STARD13: variants seen among roughly 807,000 people sequenced by gnomAD.
STARD13 encodes stAR-related lipid transfer protein 13.
A neutral mutation model predicts 106.4 loss-of-function variants in STARD13; 62 were observed. The ratio of observed to expected loss-of-function variants is 0.58; its 90% CI spans 0.48 to 0.72. STARD13 has a LOEUF of 0.72. Ranked by LOEUF, STARD13 falls within the 30% of genes least tolerant of loss-of-function variation. The probability of loss-of-function intolerance (pLI) is 0.00; values close to 1 mark genes in which losing one functional copy is unlikely to be tolerated. For missense variants in STARD13, 1,387 were observed against 1,424.0 expected (o/e 0.97, Z 0.42); for synonymous variants, 565 against 553.0 (o/e 1.02, Z -0.31).
intron 1 of STARD13, among the ~76,000 whole-genome samples, chr13:33,302,473 T>G (rs948425188): frequency 6.6e-6 from 1 of 152,186 alleles, no homozygotes; most frequent in African/African-American, 2.4e-5. Context: ...TGGAGTGCAG[T>G]GGCGTGATCA....
chr13:33,124,956 T>A (rs994836033), intron 7 of STARD13, among the ~76,000 whole-genome samples: 1 of 152,148 alleles, frequency 6.6e-6, no homozygotes, highest in Non-Finnish European at 1.5e-5. Flanking sequence ...CATACAAATA[T>A]GGAAAAATGT....
In STARD13 at chr13:33,117,911, G is replaced by C. The variant is rs1875626761; in HGVS notation, c.2281+154C>G. The stretch of plus-strand genomic sequence containing the variant: ...CTTGTGGATTTCCATATCAAACTTT[G>C]AGCAAAAGTTACTTCCGTAGAGGAG... On this transcript the variant is annotated intron_variant, in intron 8 of 13. Coordinates refer to ENST00000336934, the MANE Select transcript of STARD13 (RefSeq NM_178006.4). 5.0e-6 allele frequency: 7 copies of C among 1,399,810 alleles called. No individual in the cohort carries two copies. The East Asian group carries it at 1.8e-4, about 36-fold the overall frequency. 86.7% of individuals were successfully genotyped at this position (1,399,810 alleles called of 1,614,324 possible). A position where few individuals can be genotyped will look rare whatever the true frequency, so the allele number is the denominator to read the frequency against.
the STARD13 span, among the ~76,000 whole-genome samples, chr13:33,376,322 T>C: frequency 6.6e-6 from 1 of 152,126 alleles, no homozygotes; most frequent in Admixed American, 6.6e-5. Flanking sequence ...TAAATAAAAA[T>C]GACAACAACA....
the STARD13 span, among the ~76,000 whole-genome samples, chr13:33,407,455 T>C: frequency 1.3e-5 from 2 of 152,242 alleles, no homozygotes; most frequent in Non-Finnish European, 2.9e-5. Context: ...CTCCTGCTTT[T>C]TGCATTTTGG....
the STARD13 span, among the ~76,000 whole-genome samples, chr13:33,371,037 T>C: frequency 1.3e-5 from 2 of 152,214 alleles, no homozygotes; most frequent in Non-Finnish European, 2.9e-5. Flanking sequence ...TAAACAGGCA[T>C]GAATTATGCT....
chr13:33,609,803 C>T, the STARD13 span, among the ~76,000 whole-genome samples: 1 of 152,040 alleles, frequency 6.6e-6, no homozygotes, highest in Non-Finnish European at 1.5e-5. Context: ...CTCCTGACCT[C>T]GTGATCTGCC....
intron 7 of STARD13, among the ~76,000 whole-genome samples, chr13:33,122,407 A>G (rs1279576801): frequency 6.6e-6 from 1 of 152,154 alleles, no homozygotes; most frequent in African/African-American, 2.4e-5. Flanking sequence ...TCACCCATGG[A>G]CGGGCAGCCT....
intron 1 of STARD13, among the ~76,000 whole-genome samples, chr13:33,284,392 A>G (rs1226509912): frequency 1.3e-5 from 2 of 152,248 alleles, no homozygotes; most frequent in Non-Finnish European, 2.9e-5. Flanking sequence ...AATATTCAAT[A>G]TAATCTTAAA....
chr13:33,542,163 T>C, the STARD13 span, among the ~76,000 whole-genome samples: 1 of 152,170 alleles, frequency 6.6e-6, no homozygotes, highest in African/African-American at 2.4e-5. Context: ...GTCTATTTGT[T>C]TGCGTGCCTT....
chr13:33,214,522 C>G (rs1451027140), intron 1 of STARD13, among the ~76,000 whole-genome samples: 1 of 152,134 alleles, frequency 6.6e-6, no homozygotes, highest in Non-Finnish European at 1.5e-5. Context: ...TATAATGCTC[C>G]CAGTAATCCA....
chr13:33,330,320 T>C (rs2077822208), intron 1 of STARD13, among the ~76,000 whole-genome samples: 2 of 152,242 alleles, frequency 1.3e-5, no homozygotes, highest in Non-Finnish European at 2.9e-5. Context: ...ATTATGGTTT[T>C]GACCTGCATT....
At chr13:33,545,624 C>A in the STARD13 span, among the ~76,000 whole-genome samples, 1 of 152,212 alleles carries the variant, frequency 6.6e-6, no homozygotes, top group East Asian at 1.9e-4. Context: ...TGTTTTCAGA[C>A]ATGGGGGTGG....
rs772054772 is a variant in STARD13 at position 33,111,786 on chromosome 13, G to C, written c.2599C>G (p.Leu867Val). 1.2e-6 allele frequency: 2 copies of C among 1,613,242 alleles called. No individual in the cohort carries two copies. Among genetic ancestry groups the C allele is most frequent in the Admixed American group, 1.7e-5 (1 of 60,028 alleles). ...TCGAGCCTTTTGCTCACCTCAAAAAGTCTGTCGCATTCCATGATCATGTGC... is the reference window on the plus strand; with the variant it reads ...TCGAGCCTTTTGCTCACCTCAAAAACTCTGTCGCATTCCATGATCATGTGC... ...LAHMIMECDRLFEVPHELVAQ... is the reference protein window; with the variant it reads ...LAHMIMECDRVFEVPHELVAQ... The change falls in exon 10 of 14, where the codon CTT becomes GTT. Residue 867 changes from leucine to valine, a missense_variant. Transcript: ENST00000336934.
chr13:33,400,863 A>G, the STARD13 span, among the ~76,000 whole-genome samples: 1 of 152,206 alleles, frequency 6.6e-6, no homozygotes, highest in South Asian at 2.1e-4. Flanking sequence ...CATGTAAATA[A>G]TACTTCAATA....
At chr13:33,362,481 C>T in the STARD13 span, among the ~76,000 whole-genome samples, 19 of 152,108 alleles carry the variant, frequency 1.2e-4, no homozygotes, top group African/African-American at 3.9e-4. Context: ...AGTTCAAATC[C>T]ATCTTTGGAG....
intron 2 of STARD13, 84 bp from the exon 3 acceptor site, chr13:33,165,502 A>T: frequency 9.6e-7 from 1 of 1,041,302 alleles, no homozygotes; most frequent in South Asian, 1.4e-5. Context: ...GGTCTGTAAA[A>T]GCCACTGATT....
chr13:33,207,995 T>A (rs1887512231), intron 1 of STARD13, among the ~76,000 whole-genome samples: 1 of 152,210 alleles, frequency 6.6e-6, no homozygotes, highest in African/African-American at 2.4e-5. Context: ...AATAGTTTCA[T>A]GTGTGTGATC....
intron 1 of STARD13, among the ~76,000 whole-genome samples, chr13:33,193,575 C>T (rs951394647): frequency 6.6e-6 from 1 of 152,122 alleles, no homozygotes; most frequent in Non-Finnish European, 1.5e-5. Flanking sequence ...ACACAACCAG[C>T]GACAAACCAG....
At chr13:33,390,318 A>G in the STARD13 span, among the ~76,000 whole-genome samples, 1 of 152,166 alleles carries the variant, frequency 6.6e-6, no homozygotes, top group African/African-American at 2.4e-5. Flanking sequence ...TTTGCCCAAG[A>G]GTGACATGGG....
Sources: gnomAD v4.1 joint callset for allele counts (sites outside exome capture counted in the v4.1 genomes callset) on GRCh38, gnomAD v4.1.1 for gene constraint, MANE v1.5 for transcripts, NCBI Gene and HGNC (gene_info 2026-07-23, HGNC 2026-07-21) for gene names.